Variants in WWC1 observed in about 807,000 individuals in gnomAD.
The protein encoded by WWC1 is WW and C2 domain containing 1.
Under a neutral mutation model 138.4 loss-of-function variants are expected in WWC1, and 55 were observed. The observed-to-expected ratio is 0.40, with a 90% confidence interval of 0.32 to 0.50. WWC1 has a LOEUF of 0.50. Ranked by LOEUF, WWC1 falls within the 20% of genes least tolerant of loss-of-function variation. The pLI, the probability that WWC1 is intolerant of heterozygous loss-of-function variation, is 0.72. For missense variants in WWC1, 1,226 were observed against 1,420.4 expected (o/e 0.86, Z 2.20); for synonymous variants, 524 against 564.9 (o/e 0.93, Z 1.03).
At chr5:168,326,622 T>C (rs1294240735) in intron 1 of WWC1, among the ~76,000 whole-genome samples, 1 of 152,044 alleles carries the variant, frequency 6.6e-6, no homozygotes, top group Non-Finnish European at 1.5e-5. Flanking sequence ...CACTGCAACC[T>C]CCGCCTCCTG....
intron 22 of WWC1, among the ~76,000 whole-genome samples, chr5:168,468,175 C>G (rs1217731935): frequency 2.0e-5 from 3 of 152,254 alleles, no homozygotes; most frequent in Non-Finnish European, 4.4e-5. Flanking sequence ...CCACACAACT[C>G]GAGCTAATTT....
chr5:168,335,499 C>T (rs1773379745), intron 1 of WWC1, among the ~76,000 whole-genome samples: 1 of 152,200 alleles, frequency 6.6e-6, no homozygotes, highest in African/African-American at 2.4e-5. Flanking sequence ...GGGCAATGTA[C>T]TAAGCACTTT....
chr5:168,382,845 G>T (rs2152817000), intron 2 of WWC1, among the ~76,000 whole-genome samples: 1 of 152,250 alleles, frequency 6.6e-6, no homozygotes, highest in South Asian at 2.1e-4. Flanking sequence ...AAAGGAGGAG[G>T]AAAAGCTTGA....
intron 1 of WWC1, among the ~76,000 whole-genome samples, chr5:168,330,256 C>T (rs1396204921): frequency 6.6e-6 from 1 of 152,180 alleles, no homozygotes; most frequent in African/African-American, 2.4e-5. Flanking sequence ...CGGCAATCGG[C>T]TTGGGACCCA....
chr5:168,321,222 T>G (rs371739779), intron 1 of WWC1, among the ~76,000 whole-genome samples: 11 of 152,192 alleles, frequency 7.2e-5, no homozygotes, highest in Admixed American at 2.6e-4. Context: ...CCCTAAGTTA[T>G]AGCTTCCCCT....
At chr5:168,300,898 AC>A (rs1465783595) in intron 1 of WWC1, among the ~76,000 whole-genome samples, 2 of 152,156 alleles carry the variant, frequency 1.3e-5, no homozygotes, top group Non-Finnish European at 2.9e-5. Context: ...GGATGAGATG[AC>A]CCTGGGACAG....
intron 20 of WWC1, among the ~76,000 whole-genome samples, chr5:168,461,225 G>A (rs908455889): frequency 2.0e-5 from 3 of 152,106 alleles, no homozygotes; most frequent in African/African-American, 7.2e-5. Context: ...GGCTGTACTT[G>A]GGAGGCTGAG....
intron 1 of WWC1, among the ~76,000 whole-genome samples, chr5:168,303,141 G>A (rs984090721): frequency 5.9e-5 from 9 of 152,120 alleles, no homozygotes; most frequent in Admixed American, 2.0e-4. Context: ...AAGTAACTTC[G>A]TCCTCCCTAT....
At chr5:168,341,332 G>A (rs1469696744) in intron 1 of WWC1, among the ~76,000 whole-genome samples, 2 of 152,148 alleles carry the variant, frequency 1.3e-5, no homozygotes, top group Non-Finnish European at 1.5e-5. Flanking sequence ...CAGCTTTAAA[G>A]GATGCAAGAC....
At chr5:168,352,365 A>T (rs897012914) in intron 1 of WWC1, among the ~76,000 whole-genome samples, 1 of 152,114 alleles carries the variant, frequency 6.6e-6, no homozygotes, top group Non-Finnish European at 1.5e-5. Flanking sequence ...AATATCATTC[A>T]TTGAGCTCTG....
chr5:168,362,611 C>T (rs1054267024), intron 1 of WWC1, among the ~76,000 whole-genome samples: 6 of 152,190 alleles, frequency 3.9e-5, no homozygotes, highest in Non-Finnish European at 5.9e-5. Flanking sequence ...TCAGGTTGTC[C>T]GTTGGCTTTA....
At chr5:168,425,266 G>A (rs560367795) in intron 11 of WWC1, among the ~76,000 whole-genome samples, 2 of 152,224 alleles carry the variant, frequency 1.3e-5, no homozygotes, top group Admixed American at 6.5e-5. Flanking sequence ...CTGGTGCTTG[G>A]GGCCCCACCA....
At chr5:168,403,075 TTTC>T (rs1561712530) in intron 5 of WWC1, among the ~76,000 whole-genome samples, 1 of 133,630 alleles carries the variant, frequency 7.5e-6, no homozygotes, top group Admixed American at 7.6e-5. Context: ...TCTTTCTTTC[TTTC>T]TTTTCTTTCT....
intron 1 of WWC1, among the ~76,000 whole-genome samples, chr5:168,361,554 G>T (rs1775882463): frequency 6.6e-6 from 1 of 152,154 alleles, no homozygotes; most frequent in Non-Finnish European, 1.5e-5. Flanking sequence ...CTGTTCAGAT[G>T]CTTATTGAAT....
At chr5:168,454,177 G>T in intron 18 of WWC1, 77 bp downstream of exon 18, 2 of 1,564,650 alleles carry the variant, frequency 1.3e-6, no homozygotes, top group Non-Finnish European at 1.7e-6. Flanking sequence ...AGTCAGAAAA[G>T]ACTCAGAGCT....
chr5:168,339,907 T>TCTCTC (rs1773864457), intron 1 of WWC1, among the ~76,000 whole-genome samples: 1 of 138,302 alleles, frequency 7.2e-6, no homozygotes, highest in Non-Finnish European at 1.5e-5. Flanking sequence ...CTCTCTCTCT[T>TCTCTC]TCTCTCTCTC....
chr5:168,419,491 G>A (rs1374751471), intron 9 of WWC1, among the ~76,000 whole-genome samples: 1 of 152,200 alleles, frequency 6.6e-6, no homozygotes, highest in Non-Finnish European at 1.5e-5. Context: ...ATACAGTGCA[G>A]CAACTTGCAA....
rs990909977 is a variant in WWC1 at position 168,469,153 on chromosome 5, G to A, written c.*136G>A. The A allele has an allele frequency of 6.1e-6, 6 of 991,710 alleles. No homozygotes were observed. Among genetic ancestry groups the A allele is most frequent in the South Asian group, 1.6e-5 (1 of 63,060 alleles). 61.4% of individuals were successfully genotyped at this position (991,710 alleles called of 1,614,324 possible). ...GCTCTTGTTGGTTTGAAGATGAACCGACTTTTTAGTTTGGGTCCTACTGTT... is the reference window on the plus strand; with the variant it reads ...GCTCTTGTTGGTTTGAAGATGAACCAACTTTTTAGTTTGGGTCCTACTGTT... On this transcript the variant is annotated 3_prime_UTR_variant, in exon 23 of 23. Transcript: ENST00000265293.
At chr5:168,386,385 T>C (rs1381432090) in intron 3 of WWC1, among the ~76,000 whole-genome samples, 6 of 151,026 alleles carry the variant, frequency 4.0e-5, no homozygotes, top group Non-Finnish European at 7.4e-5. Flanking sequence ...TTCTTTTTTT[T>C]TTTTTCTTTT....
Sources: gnomAD v4.1 joint callset for allele counts (sites outside exome capture counted in the v4.1 genomes callset) on GRCh38, gnomAD v4.1.1 for gene constraint, MANE v1.5 for transcripts, NCBI Gene and HGNC (gene_info 2026-07-23, HGNC 2026-07-21) for gene names.